ACSL4: variants seen among roughly 807,000 people sequenced by gnomAD.
ACSL4 encodes the protein long-chain-fatty-acid--CoA ligase 4.
ACSL4 carries 9 observed loss-of-function variants against 49.1 expected under a neutral mutation model. That is an observed-to-expected ratio of 0.18 (90% CI 0.11 to 0.32). ACSL4 has a LOEUF of 0.32. Ranked by LOEUF, ACSL4 falls within the 10% of genes least tolerant of loss-of-function variation. The pLI, the probability that ACSL4 is intolerant of heterozygous loss-of-function variation, is 1.00. For synonymous variants in ACSL4, 191 were observed against 170.3 expected, an observed-to-expected ratio of 1.12 and a Z score of -0.95; for missense variants, 333 against 493.7, an observed-to-expected ratio of 0.67 and a Z score of 3.08.
At chrX:109,715,264 T>C (rs1415095432) in intron 1 of ACSL4, among the ~76,000 whole-genome samples, 1 of 112,199 alleles carries the variant, frequency 8.9e-6, no homozygotes, top group Non-Finnish European at 1.9e-5. Context: ...TAGTGTTATA[T>C]AAAATGTTAA....
In ACSL4 at chrX:109,671,519, C is replaced by T. The variant is rs867685603; in HGVS notation, c.1003-2346G>A. 9.9e-5 allele frequency among the ~76,000 whole-genome samples: 11 copies of T among 111,597 alleles called. No individual in the cohort carries two copies. In the East Asian group the frequency reaches 2.3e-3, roughly 23 times the overall value. ...TGGCAGGCGGGCGCCTCTGCCTGGC[C>T]GCCCCGTCTGGGAGGTGAGGAGCCC... On this transcript the variant is annotated intron_variant, in intron 9 of 15. Coordinates refer to ENST00000672401, the MANE Select transcript of ACSL4 (RefSeq NM_001318510.2).
chrX:109,725,041 C>G (rs190111382), intron 1 of ACSL4, among the ~76,000 whole-genome samples: 2 of 109,584 alleles, frequency 1.8e-5, no homozygotes, highest in African/African-American at 6.6e-5. Context: ...ACAGGCATGA[C>G]GCACTGTACC....
intron 15 of ACSL4, among the ~76,000 whole-genome samples, chrX:109,652,645 A>G (rs918642258): frequency 9.0e-6 from 1 of 111,538 alleles, no homozygotes; most frequent in Non-Finnish European, 1.9e-5. Context: ...TTGAAATGCT[A>G]TACTTAAATA....
chrX:109,660,231 A>C (rs1922062480), intron 14 of ACSL4, among the ~76,000 whole-genome samples: 1 of 111,738 alleles, frequency 8.9e-6, no homozygotes, highest in Admixed American at 9.5e-5. Flanking sequence ...TAATTTCCAC[A>C]ACTCAGTAAC....
chrX:109,701,501 G>A (rs1325899072), intron 1 of ACSL4, among the ~76,000 whole-genome samples: 2 of 108,135 alleles, frequency 1.8e-5, no homozygotes, highest in African/African-American at 6.8e-5. Context: ...ACAGGCATGA[G>A]CCACCTCGCC....
chrX:109,679,181 T>C (rs761720442), intron 6 of ACSL4, among the ~76,000 whole-genome samples: 1 of 112,231 alleles, frequency 8.9e-6, no homozygotes, highest in Non-Finnish European at 1.9e-5. Flanking sequence ...TTCTCATATA[T>C]GCCCCTGATT....
At chrX:109,695,161 A>G (rs913378149) in intron 2 of ACSL4, among the ~76,000 whole-genome samples, 1 of 110,036 alleles carries the variant, frequency 9.1e-6, no homozygotes, top group Non-Finnish European at 1.9e-5. Context: ...CCTGGCCAAC[A>G]TGGTGAAACC....
At chrX:109,712,945 G>A (rs1603411034) in intron 1 of ACSL4, among the ~76,000 whole-genome samples, 1 of 108,629 alleles carries the variant, frequency 9.2e-6, no homozygotes, top group African/African-American at 3.4e-5. Flanking sequence ...CAGCCTGGGC[G>A]ACAGAGTGAG....
At position 109,678,404 on chromosome X, in the gene ACSL4, G is replaced by A. The variant is rs1923904996; in HGVS notation, c.667C>T (p.Pro223Ser). The A allele has an allele frequency of 1.7e-6, 2 of 1,211,638 alleles. No homozygotes were observed. The highest frequency in any genetic ancestry group is 5.9e-5 in the East Asian group (2 of 33,869). The change falls in exon 7 of 16, where the codon CCA becomes TCA. Residue 223 changes from proline to serine, a missense_variant. By Grantham distance (74) the Pro-to-Ser change is moderately conservative. Transcript: ENST00000672401. Reference protein sequence around the residue: ...GSNPENLGIPPSRPTPSDMAI... With the variant: ...GSNPENLGIPSSRPTPSDMAI... Reference sequence around the variant, plus strand: ...ATGTCTGAAGGCGTTGGTCTACTTGGAGGAATGCCCACTAAATGAATGAAT... The same window carrying A: ...ATGTCTGAAGGCGTTGGTCTACTTGAAGGAATGCCCACTAAATGAATGAAT...
chrX:109,652,810 T>A (rs1921259132), intron 15 of ACSL4, among the ~76,000 whole-genome samples: 1 of 111,280 alleles, frequency 9.0e-6, no homozygotes, highest in Non-Finnish European at 1.9e-5. Context: ...AAATATTATG[T>A]CACACTATTT....
chrX:109,701,005 T>C (rs896614656), intron 1 of ACSL4, among the ~76,000 whole-genome samples: 2 of 110,642 alleles, frequency 1.8e-5, no homozygotes, highest in Admixed American at 9.6e-5. Context: ...ATCGCACCAC[T>C]GCACTCCAGC....
chrX:109,722,572 T>A (rs753689275), intron 1 of ACSL4, among the ~76,000 whole-genome samples: 2 of 111,910 alleles, frequency 1.8e-5, no homozygotes, highest in South Asian at 3.7e-4. Context: ...CACTTTTACA[T>A]CATCATTGAT....
At chrX:109,712,104 G>T (rs1480864231) in intron 1 of ACSL4, among the ~76,000 whole-genome samples, 1 of 111,382 alleles carries the variant, frequency 9.0e-6, no homozygotes, top group Non-Finnish European at 1.9e-5. Context: ...CAGGAGAAGT[G>T]GCATTTTTTT....
chrX:109,694,338 T>A (rs1274834496), intron 2 of ACSL4, among the ~76,000 whole-genome samples: 1 of 112,390 alleles, frequency 8.9e-6, no homozygotes, highest in African/African-American at 3.2e-5. Context: ...AGACCAGAAG[T>A]TCTAGAGAGA....
chrX:109,681,739 T>C (rs1011578057), intron 4 of ACSL4, among the ~76,000 whole-genome samples: 2 of 112,251 alleles, frequency 1.8e-5, no homozygotes, highest in African/African-American at 6.5e-5. Flanking sequence ...CACACTTTCA[T>C]TGGCCATAGC....
chrX:109,682,091 C>T (rs1471349458), intron 4 of ACSL4, among the ~76,000 whole-genome samples: 4 of 111,982 alleles, frequency 3.6e-5, no homozygotes, highest in African/African-American at 1.3e-4. Context: ...CATAGGGGAT[C>T]ATTTTCATAT....
chrX:109,668,308 G>A (rs376761472), intron 10 of ACSL4, 35 bp from the exon 11 acceptor site: 48 of 1,110,800 alleles, frequency 4.3e-5, no homozygotes, highest in Non-Finnish European at 5.7e-5. Flanking sequence ...TTTAATGTAC[G>A]CATACATTAT....
chrX:109,670,441 C>T (rs1023333533), intron 9 of ACSL4, among the ~76,000 whole-genome samples: 3 of 108,935 alleles, frequency 2.8e-5, no homozygotes, highest in African/African-American at 6.7e-5. Context: ...AAAAATTAGC[C>T]GGGCGTGGTG....
At chrX:109,728,939 G>A (rs901962859) in intron 1 of ACSL4, among the ~76,000 whole-genome samples, 6 of 111,156 alleles carry the variant, frequency 5.4e-5, no homozygotes, top group Non-Finnish European at 1.1e-4. Flanking sequence ...GGCCAGGGGC[G>A]GTGGCTCACG....
Sources: allele counts gnomAD v4.1 joint callset (sites outside exome capture counted in the v4.1 genomes callset), GRCh38; gene constraint gnomAD v4.1.1; transcripts MANE v1.5; gene names NCBI Gene and HGNC (gene_info 2026-07-23, HGNC 2026-07-21).